TRAP1: variants seen among roughly 807,000 people sequenced by gnomAD.
TRAP1 encodes heat shock protein 75 kDa, mitochondrial.
TRAP1 carries 102 observed loss-of-function variants against 89.1 expected under a neutral mutation model. That is an observed-to-expected ratio of 1.15 (90% CI 0.98 to 1.35). TRAP1 has a LOEUF of 1.35. TRAP1 is among the 40% of genes most tolerant of loss of function. TRAP1 has a pLI of 0.00. For missense variants in TRAP1, 1,256 were observed against 945.3 expected (o/e 1.33, Z -4.31); for synonymous variants, 508 against 388.0 (o/e 1.31, Z -3.64).
chr16:3,692,120 G>T (rs1234662661), intron 1 of TRAP1, among the ~76,000 whole-genome samples: 1 of 152,192 alleles, frequency 6.6e-6, no homozygotes, highest in African/African-American at 2.4e-5. Flanking sequence ...AGCCAGCCAC[G>T]CCGTGTCAAA....
rs1238469212 is a variant in TRAP1 at position 3,689,066 on chromosome 16, A to C, written c.319T>G (p.Ser107Ala). 8.7e-6 allele frequency: 14 copies of C among 1,611,796 alleles called. No homozygotes were observed. Among genetic ancestry groups the C allele is most frequent in the Admixed American group, 5.0e-5 (3 of 59,644 alleles). ...LLDIVARSLYSEKEVFIRELI... is the reference protein window; with the variant it reads ...LLDIVARSLYAEKEVFIRELI... Reference sequence around the variant, plus strand: ...AGCAGGGAACGCACCTCTTTTTCTGAGTACAGGGACCGGGCAACAATGTCC... The same window carrying C: ...AGCAGGGAACGCACCTCTTTTTCTGCGTACAGGGACCGGGCAACAATGTCC... Residue 107 changes from serine (S) to alanine (A), a missense_variant, in exon 3 of 18, where the codon TCA (serine) becomes GCA (alanine). Coordinates refer to ENST00000246957, the MANE Select transcript of TRAP1 (RefSeq NM_016292.3).
intron 5 of TRAP1, 49 bp from the exon 6 acceptor site, chr16:3,677,707 G>A (rs761398877): frequency 1.9e-6 from 3 of 1,590,362 alleles, no homozygotes; most frequent in South Asian, 2.3e-5. Context: ...CCAGAGAGCA[G>A]ACACTCCCAA....
Position 3,686,102 on chromosome 16 carries a change from T to G in TRAP1, c.365A>C (p.Asp122Ala). Residue 122 changes from aspartate to alanine, a missense_variant, in exon 4 of 18, where the codon GAT (aspartate) becomes GCT (alanine). By Grantham distance (126) the Asp-to-Ala change is moderately radical. Transcript: ENST00000246957. Reference sequence around the variant, plus strand: ...TTTGTGACGCAGTTTTTCCAAGGCATCGCTGGCATTGGAGATCAGCTCCCG... The same window carrying G: ...TTTGTGACGCAGTTTTTCCAAGGCAGCGCTGGCATTGGAGATCAGCTCCCG... ...FIRELISNASDALEKLRHKLV... is the reference protein window; with the variant it reads ...FIRELISNASAALEKLRHKLV... 1 of 1,614,078 alleles carries G rather than the reference T, an allele frequency of 6.2e-7. No homozygotes were observed.
chr16:3,714,913 T>C (rs1343005750), intron 1 of TRAP1, among the ~76,000 whole-genome samples: 13 of 152,208 alleles, frequency 8.5e-5, no homozygotes, highest in Admixed American at 8.5e-4. Flanking sequence ...GCCTAAACTA[T>C]TCTTTCTCCC....
chr16:3,685,979 G>C lies in TRAP1; in HGVS notation c.471+17C>G. 2 of 1,612,768 alleles carry C rather than the reference G, an allele frequency of 1.2e-6. No homozygotes were observed. The highest frequency in any genetic ancestry group is 1.7e-6 in the Non-Finnish European group (2 of 1,179,312). Reference sequence around the variant, plus strand: ...CATGGCCGGGCCTGCCACACGCCTGGACACTGAGGGAGGTACCTGGATGGT... The same window carrying C: ...CATGGCCGGGCCTGCCACACGCCTGCACACTGAGGGAGGTACCTGGATGGT... On this transcript the variant is annotated intron_variant, in intron 4 of 17. Transcript: ENST00000246957.
intron 14 of TRAP1, 70 bp from the exon 15 acceptor site, chr16:3,663,037 A>G: frequency 7.8e-7 from 1 of 1,279,702 alleles, no homozygotes; most frequent in Admixed American, 2.2e-5. Context: ...GGGGCCACGC[A>G]GCATGCTTCC....
chr16:3,705,729 G>C (rs1189067485), intron 1 of TRAP1, among the ~76,000 whole-genome samples: 1 of 152,080 alleles, frequency 6.6e-6, no homozygotes, highest in Non-Finnish European at 1.5e-5. Flanking sequence ...TGCCAGGCTG[G>C]AGTGCAATGA....
At position 3,689,411 on chromosome 16, in the gene TRAP1, A is replaced by AT. The variant is rs1157379258; in HGVS notation, c.248-275dup. 3.9e-5 allele frequency among the ~76,000 whole-genome samples: 6 copies of AT among 152,088 alleles called. No individual in the cohort carries two copies. In the South Asian group the frequency reaches 8.3e-4, roughly 21 times the overall value. ...AGGTGCCTGCCACCACGCCCGGCTA[A>AT]TTTTTTGTAGTTTTAGTAGAGACGG... On this transcript the variant is annotated intron_variant, in intron 2 of 17. Transcript: ENST00000246957.
chr16:3,699,041 C>G (rs528276119), intron 1 of TRAP1, among the ~76,000 whole-genome samples: 2 of 152,302 alleles, frequency 1.3e-5, no homozygotes, highest in African/African-American at 4.8e-5. Flanking sequence ...GCTACAAGAT[C>G]TTACTGTTAA....
chr16:3,664,782 G>C, intron 12 of TRAP1: 1 of 291,132 alleles, frequency 3.4e-6, no homozygotes, highest in Non-Finnish European at 6.4e-6. Flanking sequence ...TCTTCCCTCT[G>C]CCCTCAGTGA....
At chr16:3,699,811 G>C (rs1033061620) in intron 1 of TRAP1, among the ~76,000 whole-genome samples, 1 of 151,510 alleles carries the variant, frequency 6.6e-6, no homozygotes, top group African/African-American at 2.4e-5. Context: ...GGGACTGCAG[G>C]TAAGCACCAT....
At chr16:3,695,358 G>A (rs900690746) in intron 1 of TRAP1, among the ~76,000 whole-genome samples, 4 of 151,868 alleles carry the variant, frequency 2.6e-5, no homozygotes, top group African/African-American at 9.7e-5. Context: ...CCATGGTCAG[G>A]TTTCTCATAC....
At chr16:3,663,880 T>C (rs1379326740) in intron 13 of TRAP1, 1 of 369,828 alleles carries the variant, frequency 2.7e-6, no homozygotes, top group African/African-American at 2.1e-5. Context: ...GAGACCAACA[T>C]GGTGAAATGC....
chr16:3,662,549 G>A (rs933614165), intron 15 of TRAP1: 2 of 559,012 alleles, frequency 3.6e-6, no homozygotes, highest in Admixed American at 2.4e-5. Context: ...ACCCAAGTGA[G>A]CATGTGAGCT....
chr16:3,675,651 C>A (rs1813068027), intron 7 of TRAP1, among the ~76,000 whole-genome samples: 2 of 152,222 alleles, frequency 1.3e-5, no homozygotes, highest in African/African-American at 4.8e-5. Context: ...CAGCTTGTGG[C>A]TGGAACATGG....
intron 5 of TRAP1, among the ~76,000 whole-genome samples, chr16:3,678,712 C>T (rs1236115073): frequency 1.3e-5 from 2 of 152,152 alleles, no homozygotes; most frequent in Admixed American, 6.5e-5. Flanking sequence ...CCACCTGCCT[C>T]GGCCTCCCAA....
At chr16:3,670,921 C>A (rs186330494) in intron 11 of TRAP1, among the ~76,000 whole-genome samples, 2 of 152,112 alleles carry the variant, frequency 1.3e-5, no homozygotes, top group African/African-American at 4.8e-5. Context: ...GGACCAGTGC[C>A]TCTCGGTGTG....
At chr16:3,674,714 A>C (rs1384988298) in intron 8 of TRAP1, 2 of 588,688 alleles carry the variant, frequency 3.4e-6, no homozygotes, top group Admixed American at 6.2e-5. Context: ...CCTCAGGACA[A>C]CATGTCAGGA....
chr16:3,696,404 T>C (rs566961697), intron 1 of TRAP1, among the ~76,000 whole-genome samples: 311 of 152,298 alleles, frequency 2.0e-3, no homozygotes, highest in African/African-American at 6.2e-3. Context: ...TTGTAAGCTG[T>C]GACCCGGCAA....
Sources: gnomAD v4.1 joint callset for allele counts (sites outside exome capture counted in the v4.1 genomes callset) on GRCh38, gnomAD v4.1.1 for gene constraint, MANE v1.5 for transcripts, NCBI Gene and HGNC (gene_info 2026-07-23, HGNC 2026-07-21) for gene names.